Variants in HEXB observed in about 807,000 individuals in gnomAD.
HEXB encodes the protein hexosaminidase subunit beta.
In HEXB, 51 loss-of-function variants were observed where a neutral mutation model predicts 71.2. That is an observed-to-expected ratio of 0.72 (90% CI 0.57 to 0.90). The LOEUF (loss-of-function observed/expected upper bound fraction) is 0.90, where lower values mean the gene tolerates loss of function less well. Among genes scored for constraint, HEXB ranks in the 40% least tolerant of loss-of-function variants. HEXB has a pLI of 0.00. For synonymous variants in HEXB, 266 were observed against 249.3 expected, an observed-to-expected ratio of 1.07 and a Z score of -0.63; for missense variants, 617 against 677.0, an observed-to-expected ratio of 0.91 and a Z score of 0.98.
intron 9 of HEXB, 45 bp from the exon 10 acceptor site, chr5:74,718,246 T>C (rs1284597918): frequency 9.8e-6 from 12 of 1,219,864 alleles, no homozygotes; most frequent in Non-Finnish European, 1.5e-5. Context: ...AAATATATTG[T>C]TAAGCTTATG....
At chr5:74,684,670 T>TTTTC (rs1561213315), upstream of HEXB, among the ~76,000 whole-genome samples, 30 of 142,912 alleles carry the variant, frequency 2.1e-4, 7 homozygotes, top group African/African-American at 1.6e-4. Flanking sequence ...TTTCTTTTTC[T>TTTTC]TTTCTTTTTT....
intron 1 of HEXB, among the ~76,000 whole-genome samples, chr5:74,674,834 C>T (rs1171552390): frequency 6.6e-6 from 1 of 151,974 alleles, no homozygotes; most frequent in Non-Finnish European, 1.5e-5. Context: ...TTTCTCAGTT[C>T]TCTGTAACTA....
At chr5:74,709,859 C>A (rs1749495932) in intron 6 of HEXB, among the ~76,000 whole-genome samples, 1 of 152,076 alleles carries the variant, frequency 6.6e-6, no homozygotes, top group African/African-American at 2.4e-5. Context: ...ACCAGAGGTA[C>A]AAGGAGGAAC....
In HEXB at chr5:74,641,937, C is replaced by G. The variant is rs1181479923; in HGVS notation, c.-377+1379C>G. Among the ~76,000 whole-genome samples, 2 of 152,156 alleles carry G rather than the reference C, an allele frequency of 1.3e-5. No homozygotes were observed. Among genetic ancestry groups the G allele is most frequent in the Non-Finnish European group, 2.9e-5 (2 of 68,040 alleles). ...GCAACAATGTCCCAGCTCTGCAGCT[C>G]GAGAGTGAGGGCCCCACGACAGAGT... is the stretch of plus-strand genomic sequence containing the variant. On this transcript the variant is annotated intron_variant, in intron 1 of 13. Transcript: ENST00000511181. The surrounding 1 kb of genome is among the most constrained non-coding windows in gnomAD (Gnocchi z 4.1).
rs1180266926 is a variant in HEXB at position 74,641,184 on chromosome 5, G to T, written c.-377+626G>T. 6.6e-6 allele frequency: 1 copy of T among 152,562 alleles called. No individual in the cohort carries two copies. The highest frequency in any genetic ancestry group is 1.5e-5 in the Non-Finnish European group (1 of 68,354). The allele number at this position is 152,562 out of a possible 1,614,324, so 9.5% of individuals were successfully genotyped here. On this transcript the variant is annotated intron_variant, in intron 1 of 13. Coordinates refer to the HEXB transcript ENST00000511181. The surrounding 1 kb of genome is among the most constrained non-coding windows in gnomAD (Gnocchi z 4.1). Reference sequence around the variant, plus strand: ...AAAAGGGCTGCAAGGGGCGAGCTGGGTATCCGCAGGACAGGCCCTGGGCAC... The same window carrying T: ...AAAAGGGCTGCAAGGGGCGAGCTGGTTATCCGCAGGACAGGCCCTGGGCAC...
At chr5:74,670,696 C>T (rs1020679206) in intron 1 of HEXB, among the ~76,000 whole-genome samples, 2 of 152,172 alleles carry the variant, frequency 1.3e-5, no homozygotes, top group Non-Finnish European at 2.9e-5. Context: ...TCTGTAACAC[C>T]CCCTCTGGGA....
intron 2 of HEXB, chr5:74,689,757 A>G (rs1748955622): frequency 1.9e-5 from 8 of 426,480 alleles, no homozygotes; most frequent in Non-Finnish European, 3.0e-5. Context: ...AGAGTAAAAC[A>G]TGTAAACATT....
In HEXB at chr5:74,712,586, T is replaced by TAC. The variant is rs1434082443; in HGVS notation, c.772-920_772-919insAC. On this transcript the variant is annotated intron_variant, in intron 6 of 13. Transcript: ENST00000261416. Reference sequence around the variant, plus strand: ...GAGTTAATATGTCTAGTAATTCTTTTTTGATCTACAGGTCTGCTCTTCCCA... The same window carrying TAC: ...GAGTTAATATGTCTAGTAATTCTTTTACTTGATCTACAGGTCTGCTCTTCCCA... Among the ~76,000 whole-genome samples, 30 of 152,312 alleles carry TAC rather than the reference T, an allele frequency of 2.0e-4. No homozygotes were observed. In the East Asian group the frequency reaches 4.0e-3, roughly 21 times the overall value.
intron 1 of HEXB, 30 bp downstream of exon 1, chr5:74,685,589 T>C: frequency 6.6e-7 from 1 of 1,522,112 alleles, no homozygotes; most frequent in Non-Finnish European, 8.8e-7. Context: ...CCGGGAGTTG[T>C]CCTGGGGGAG....
At chr5:74,683,868 T>C (rs1379061310), upstream of HEXB, among the ~76,000 whole-genome samples, 5 of 151,008 alleles carry the variant, frequency 3.3e-5, no homozygotes, top group Non-Finnish European at 7.4e-5. Flanking sequence ...TTGCCCAGGC[T>C]GGAGTGCAGA....
intron 5 of HEXB, among the ~76,000 whole-genome samples, chr5:74,702,240 G>A (rs1292489285): frequency 5.3e-5 from 8 of 149,694 alleles, no homozygotes; most frequent in African/African-American, 1.5e-4. Context: ...CACTACGCCT[G>A]GCTAATTTTT....
chr5:74,710,442 A>G (rs1223380041), intron 6 of HEXB, among the ~76,000 whole-genome samples: 1 of 152,194 alleles, frequency 6.6e-6, no homozygotes, highest in Non-Finnish European at 1.5e-5. Flanking sequence ...GGCCAGGGCA[A>G]TTAGGCAGGA....
intron 6 of HEXB, among the ~76,000 whole-genome samples, chr5:74,708,995 T>C (rs962545165): frequency 6.6e-6 from 1 of 152,152 alleles, no homozygotes; most frequent in African/African-American, 2.4e-5. Context: ...ATACATTTTT[T>C]TCAGCACCAC....
chr5:74,653,781 G>T (rs576208916), intron 1 of HEXB, among the ~76,000 whole-genome samples: 2 of 152,214 alleles, frequency 1.3e-5, no homozygotes, highest in South Asian at 2.1e-4. Context: ...GTTATGAAAG[G>T]CACAATGGAA....
chr5:74,711,502 C>T (rs1403202784), intron 6 of HEXB, among the ~76,000 whole-genome samples: 4 of 152,018 alleles, frequency 2.6e-5, no homozygotes, highest in Admixed American at 2.0e-4. Flanking sequence ...ACAGGCAACC[C>T]ACAATATGGG....
At chr5:74,708,092 T>C (rs1375586102) in intron 6 of HEXB, among the ~76,000 whole-genome samples, 9 of 152,092 alleles carry the variant, frequency 5.9e-5, no homozygotes, top group Admixed American at 5.2e-4. Context: ...AGCGGATCTC[T>C]CGGCAGAAAC....
chr5:74,668,810 C>T (rs1748481655), intron 1 of HEXB, among the ~76,000 whole-genome samples: 1 of 152,160 alleles, frequency 6.6e-6, no homozygotes, highest in South Asian at 2.1e-4. Flanking sequence ...ATTGTGTCTC[C>T]TTTTTTAAAC....
At chr5:74,690,674 A>G (rs1580380263) in intron 2 of HEXB, among the ~76,000 whole-genome samples, 3 of 7,094 alleles carry the variant, frequency 4.2e-4, no homozygotes, top group South Asian at 6.4e-3. Flanking sequence ...AAAAAAAAAA[A>G]AAAAAAAAAA....
chr5:74,653,276 T>A (rs1042575606), intron 1 of HEXB, among the ~76,000 whole-genome samples: 1 of 152,186 alleles, frequency 6.6e-6, no homozygotes, highest in Non-Finnish European at 1.5e-5. Context: ...TTGCTAAAGT[T>A]TAAAAAAAGT....
Sources: gnomAD v4.1 joint callset for allele counts (sites outside exome capture counted in the v4.1 genomes callset) on GRCh38, gnomAD v4.1.1 for gene constraint, Gnocchi (gnomAD v3.1) non-coding constraint, MANE v1.5 for transcripts, NCBI Gene and HGNC (gene_info 2026-07-23, HGNC 2026-07-21) for gene names.